Variants in SRGAP3 observed in about 807,000 individuals in gnomAD.
SRGAP3 encodes the protein SLIT-ROBO Rho GTPase activating protein 3.
Under a neutral mutation model 121.1 loss-of-function variants are expected in SRGAP3, and 39 were observed. The observed-to-expected ratio is 0.32, with a 90% confidence interval of 0.25 to 0.42. The LOEUF is 0.42. Among genes scored for constraint, SRGAP3 ranks in the 10% least tolerant of loss-of-function variants. SRGAP3 has a pLI of 1.00. For missense variants in SRGAP3, 1,213 were observed against 1,470.6 expected (o/e 0.82, Z 2.86); for synonymous variants, 601 against 570.0 (o/e 1.05, Z -0.77).
chr3:9,095,643 G>A (rs1039663350), intron 3 of SRGAP3, among the ~76,000 whole-genome samples: 2 of 152,136 alleles, frequency 1.3e-5, no homozygotes, highest in African/African-American at 2.4e-5. Context: ...TCCATTTATG[G>A]AGGGCTCTCT....
chr3:9,316,743 A>G (rs1955353752), intron 3 of SRGAP3, among the ~76,000 whole-genome samples: 1 of 152,240 alleles, frequency 6.6e-6, no homozygotes, highest in Non-Finnish European at 1.5e-5. Context: ...CATCTGAAGG[A>G]ATGCATCACA....
chr3:8,985,408 G>A lies in SRGAP3; in HGVS notation c.*111C>T. 1.3e-6 allele frequency: 2 copies of A among 1,535,194 alleles called. No homozygotes were observed. The highest frequency in any genetic ancestry group is 2.7e-5 in the African/African-American group (2 of 73,060). Reference sequence around the variant, plus strand: ...CTGCACAGACACACCCTCCCAGACGGACCTCTGCCCTCCAAGGCCAGGGTC... The same window carrying A: ...CTGCACAGACACACCCTCCCAGACGAACCTCTGCCCTCCAAGGCCAGGGTC... On this transcript the variant is annotated 3_prime_UTR_variant, in exon 22 of 22. Transcript: ENST00000383836. This position sits in a 1 kb window ranked among gnomAD's most constrained non-coding sequence, Gnocchi z 5.1.
rs139005447 is a variant in SRGAP3 at position 9,072,209 on chromosome 3, C to T, written c.487-7628G>A. Among the ~76,000 whole-genome samples the T allele has an allele frequency of 4.5e-3, 685 of 152,280 alleles. 4 individuals carry two copies. The highest frequency in any genetic ancestry group is 7.4e-3 in the Non-Finnish European group (505 of 68,028). ...GCATCCCGGGTGCTGCTTCCCACCG[C>T]GCTAAGTGCTGCTCCTTCTGCCCCT... On this transcript the variant is annotated intron_variant, in intron 4 of 21. Coordinates refer to ENST00000383836, the MANE Select transcript of SRGAP3 (RefSeq NM_014850.4).
chr3:9,103,645 C>G (rs749675133), intron 3 of SRGAP3, among the ~76,000 whole-genome samples: 9 of 152,226 alleles, frequency 5.9e-5, no homozygotes, highest in Admixed American at 4.6e-4. Context: ...ATTTGTTTAA[C>G]GCTCACCCTC....
At chr3:9,281,349 A>G (rs545607193) in intron 3 of SRGAP3, among the ~76,000 whole-genome samples, 2 of 152,294 alleles carry the variant, frequency 1.3e-5, no homozygotes, top group East Asian at 1.9e-4. Context: ...TTTGTTTTAC[A>G]GATCGGAAAA....
intron 1 of SRGAP3, among the ~76,000 whole-genome samples, chr3:9,356,192 C>CTTT (rs929664300): frequency 7.4e-5 from 9 of 122,296 alleles, no homozygotes; most frequent in Admixed American, 2.4e-4. Context: ...ACTTTTTTTT[C>CTTT]TTTTTTTTTT....
At chr3:9,356,324 T>C (rs1269759991) in intron 1 of SRGAP3, among the ~76,000 whole-genome samples, 1 of 147,180 alleles carries the variant, frequency 6.8e-6, no homozygotes, top group Non-Finnish European at 1.5e-5. Flanking sequence ...CCTAAGTAGC[T>C]GGGACCACAG....
Position 9,149,227 on chromosome 3 carries a change from A to G in SRGAP3, c.68-24310T>C, listed in dbSNP as rs769197425. Among the ~76,000 whole-genome samples the G allele has an allele frequency of 1.8e-3, 268 of 151,828 alleles. 2 individuals carry two copies. Among genetic ancestry groups the G allele is most frequent in the Non-Finnish European group, 1.5e-3 (103 of 67,922 alleles). The stretch of plus-strand genomic sequence containing the variant: ...AGACTCCGTCTCAAAAAAAAAAAAA[A>G]AAAAGAAAAGAAAAAAAGAAACCTG... On this transcript the variant is annotated intron_variant, in intron 1 of 21. Transcript: ENST00000383836.
chr3:9,244,186 A>AT lies in SRGAP3; in HGVS notation c.67+4698dup, dbSNP rs1159170510. ...GGCTCTCGAAGTTTTTGTGTTTGGG[A>AT]TTTTTTTATTTCTTTCTCTCATTTT... On this transcript the variant is annotated intron_variant, in intron 1 of 21. Coordinates refer to ENST00000383836, the MANE Select transcript of SRGAP3 (RefSeq NM_014850.4). Among the ~76,000 whole-genome samples the AT allele has an allele frequency of 7.9e-5, 12 of 152,228 alleles. No homozygotes were observed. In the South Asian group the frequency reaches 1.0e-3, roughly 13 times the overall value.
At chr3:9,227,121 G>A (rs1313705211) in intron 1 of SRGAP3, among the ~76,000 whole-genome samples, 1 of 152,144 alleles carries the variant, frequency 6.6e-6, no homozygotes, top group Non-Finnish European at 1.5e-5. Context: ...GAGAATGAGG[G>A]CCCAGTGTTC....
intron 1 of SRGAP3, among the ~76,000 whole-genome samples, chr3:9,361,840 C>T (rs780887865): frequency 2.6e-5 from 4 of 152,138 alleles, no homozygotes; most frequent in Non-Finnish European, 5.9e-5. Context: ...CGACAGAGGA[C>T]GTGCAGTGAG....
chr3:9,176,339 T>A (rs777130064), intron 1 of SRGAP3, among the ~76,000 whole-genome samples: 1 of 152,240 alleles, frequency 6.6e-6, no homozygotes, highest in African/African-American at 2.4e-5. Context: ...AAGGGCCTCA[T>A]AGGGTACCTA....
intron 6 of SRGAP3, chr3:9,058,964 C>T (rs757458390): frequency 7.9e-4 from 137 of 173,954 alleles, no homozygotes; most frequent in South Asian, 1.2e-3. Flanking sequence ...GTGATCTACC[C>T]GCCTCGGCCT....
chr3:9,006,410 A>AAAGAAGAG (rs1297112569), intron 18 of SRGAP3, among the ~76,000 whole-genome samples: 5 of 151,368 alleles, frequency 3.3e-5, no homozygotes, highest in African/African-American at 1.2e-4. Context: ...AAAAAAAAAA[A>AAAGAAGAG]AAAAGAAAAG....
rs1289031572 is a variant in SRGAP3 at position 8,985,056 on chromosome 3, CG to C, written c.*462del. 1 of 229,614 alleles carries C rather than the reference CG, an allele frequency of 4.4e-6. No individual in the cohort carries two copies. Among genetic ancestry groups the C allele is most frequent in the Non-Finnish European group, 8.6e-6 (1 of 116,300 alleles). 14.2% of individuals were successfully genotyped at this position (229,614 alleles called of 1,614,324 possible). A position where few individuals can be genotyped will look rare whatever the true frequency, so the allele number is the denominator to read the frequency against. ...GGAGATACTATATACACTTAGTATG[CG>C]TGTGTCCAGATCTAGTATATGTATA... On this transcript the variant is annotated 3_prime_UTR_variant, in exon 22 of 22. Coordinates refer to ENST00000383836, the MANE Select transcript of SRGAP3 (RefSeq NM_014850.4). This position sits in a 1 kb window ranked among gnomAD's most constrained non-coding sequence, Gnocchi z 5.1.
intron 8 of SRGAP3, among the ~76,000 whole-genome samples, chr3:9,055,614 C>A (rs1945782390): frequency 6.6e-6 from 1 of 152,176 alleles, no homozygotes; most frequent in South Asian, 2.1e-4. Flanking sequence ...GAATCCATGA[C>A]AAATTTAGTG....
In SRGAP3 at chr3:9,005,699, A is replaced by G. The variant is rs545103908; in HGVS notation, c.2227+4609T>C. Among the ~76,000 whole-genome samples, 4 of 152,348 alleles carry G rather than the reference A, an allele frequency of 2.6e-5. No individual in the cohort carries two copies. In the East Asian group the frequency reaches 7.7e-4, roughly 29 times the overall value. On this transcript the variant is annotated intron_variant, in intron 18 of 21. Coordinates refer to ENST00000383836, the MANE Select transcript of SRGAP3 (RefSeq NM_014850.4). Reference sequence around the variant, plus strand: ...ATTCCATTTATATAAAATGTCCAGAATAGACAAATCCATAGAGACAGTGGG... The same window carrying G: ...ATTCCATTTATATAAAATGTCCAGAGTAGACAAATCCATAGAGACAGTGGG...
rs191507295 is a variant in SRGAP3 at position 9,178,631 on chromosome 3, A to T, written c.68-53714T>A. Among the ~76,000 whole-genome samples the T allele has an allele frequency of 3.9e-5, 6 of 152,318 alleles. No individual in the cohort carries two copies. The East Asian group carries it at 1.2e-3, about 29-fold the overall frequency. On this transcript the variant is annotated intron_variant, in intron 1 of 21. Transcript: ENST00000383836. ...CAACTTCACAAAGCCAGACAGCAGC[A>T]CAGCACCTGGGCCTGTAGACTCCCA...
At chr3:9,086,534 A>C (rs994847573) in intron 3 of SRGAP3, among the ~76,000 whole-genome samples, 4 of 151,066 alleles carry the variant, frequency 2.6e-5, no homozygotes, top group African/African-American at 4.9e-5. Context: ...AAAAAAAAAA[A>C]AAAACCATAT....
Sources: gnomAD v4.1 joint callset for allele counts (sites outside exome capture counted in the v4.1 genomes callset) on GRCh38, gnomAD v4.1.1 for gene constraint, Gnocchi (gnomAD v3.1) non-coding constraint, MANE v1.5 for transcripts, NCBI Gene and HGNC (gene_info 2026-07-23, HGNC 2026-07-21) for gene names.